CFAP52: variants seen among roughly 807,000 people sequenced by gnomAD.
The protein encoded by CFAP52 is cilia and flagella associated protein 52.
Under a neutral mutation model 70.5 loss-of-function variants are expected in CFAP52, and 57 were observed. The ratio of observed to expected loss-of-function variants is 0.81; its 90% CI spans 0.65 to 1.01. CFAP52 has a LOEUF of 1.01. Among genes scored for constraint, CFAP52 ranks in the 50% least tolerant of loss-of-function variants. CFAP52 has a pLI of 0.00. For missense variants in CFAP52, 785 were observed against 788.5 expected (o/e 1.00, Z 0.05); for synonymous variants, 267 against 292.5 (o/e 0.91, Z 0.89).
intron 4 of CFAP52, among the ~76,000 whole-genome samples, chr17:9,596,053 G>A (rs1162044963): frequency 6.8e-5 from 5 of 73,612 alleles, no homozygotes; most frequent in Admixed American, 1.4e-4. Flanking sequence ...AGATATATAT[G>A]TGTGTGTATA....
In CFAP52 at chr17:9,608,149, G is replaced by A; in HGVS notation, c.784G>A (p.Gly262Arg). Residue 262 changes from glycine to arginine, a missense_variant, in exon 7 of 14, where the codon GGG becomes AGG. Transcript: ENST00000352665. ...GVSAIRCLKM[G>R]GLLVGSGAGL... ...GTCAGCTATCAGGTGCCTGAAGATG[G>A]GGGGTTTGTTGGTGGGCTCTGGAGC... 1 of 1,612,630 alleles carries A rather than the reference G, an allele frequency of 6.2e-7. No homozygotes were observed. Among genetic ancestry groups the A allele is most frequent in the Admixed American group, 1.7e-5 (1 of 59,966 alleles).
intron 5 of CFAP52, chr17:9,598,540 T>C: frequency 2.6e-6 from 1 of 385,032 alleles, no homozygotes; most frequent in Non-Finnish European, 4.7e-6. Context: ...GGTGGGTGAA[T>C]CACTTGAGGT....
At chr17:9,579,653 T>C (rs1235163130) in intron 1 of CFAP52, among the ~76,000 whole-genome samples, 1 of 152,216 alleles carries the variant, frequency 6.6e-6, no homozygotes, top group Non-Finnish European at 1.5e-5. Context: ...CTGCAACCTC[T>C]GCCTCATGGG....
rs1417911991 is a variant in CFAP52, at chr17:9,586,581, AAAAAG to A, written c.271-113_271-109del. 9.1e-4 allele frequency: 1,242 copies of A among 1,358,232 alleles called. 5 individuals are homozygous for A. In the African/African-American group the frequency reaches 0.012, roughly 14 times the overall value. The allele number at this position is 1,358,232 out of a possible 1,614,324, so 84.1% of individuals were successfully genotyped here. ...ACTCCGTCTCAACAAAAAAAAAAAA[AAAAAG>A]AAAGAAAAAAGAAAAGTGACAGTAC... is the stretch of plus-strand genomic sequence containing the variant. On this transcript the variant is annotated intron_variant, in intron 2 of 13. Coordinates refer to ENST00000352665, the MANE Select transcript of CFAP52 (RefSeq NM_145054.5).
At chr17:9,629,419 C>T (rs1910360538) in intron 9 of CFAP52, among the ~76,000 whole-genome samples, 1 of 152,132 alleles carries the variant, frequency 6.6e-6, no homozygotes, top group Non-Finnish European at 1.5e-5. Flanking sequence ...TCTTTAGGGA[C>T]AGCTATTAAA....
intron 1 of CFAP52, among the ~76,000 whole-genome samples, chr17:9,583,504 A>C (rs1908314209): frequency 6.6e-6 from 1 of 152,122 alleles, no homozygotes; most frequent in Admixed American, 6.5e-5. Context: ...AATAAATGTA[A>C]TAAGAAATGA....
chr17:9,577,736 G>C (rs1421634078), intron 1 of CFAP52, among the ~76,000 whole-genome samples: 1 of 152,180 alleles, frequency 6.6e-6, no homozygotes, highest in Non-Finnish European at 1.5e-5. Flanking sequence ...AAACAATTGA[G>C]CAGCCTACAG....
At chr17:9,594,051 CA>C (rs1908884191) in intron 3 of CFAP52, 141 bp from the exon 4 acceptor site, 5 of 1,215,142 alleles carry the variant, frequency 4.1e-6, no homozygotes, top group African/African-American at 1.5e-5. Context: ...GAGGAGATGT[CA>C]GGGGTGGGGT....
chr17:9,630,587 G>A (rs1317418583), intron 9 of CFAP52, among the ~76,000 whole-genome samples: 1 of 148,756 alleles, frequency 6.7e-6, no homozygotes, highest in Non-Finnish European at 1.5e-5. Flanking sequence ...CCGCTACCAC[G>A]CCCGGCTAAT....
chr17:9,597,831 A>AGAGAGAGAGAGAGAGAG (rs57688684), intron 4 of CFAP52, among the ~76,000 whole-genome samples: 11 of 131,778 alleles, frequency 8.3e-5, no homozygotes, highest in African/African-American at 1.5e-4. Flanking sequence ...GAGAGAGAGA[A>AGAGAGAGAGAGAGAGAG]AGAGAGAAAG....
chr17:9,586,713 TG>T lies in CFAP52; in HGVS notation c.289del (p.Asp97IlefsTer33). ...TTGCCCCCAGGCAGACATCATTTTG[TG>T]GGATTATAAGAACAGAGAGCTGCTT... ...FMGFKADIIL[W>X]DYKNRELLAR... On this transcript the variant is annotated frameshift_variant, in exon 3 of 14. Coordinates refer to ENST00000352665, the MANE Select transcript of CFAP52 (RefSeq NM_145054.5). LOFTEE classifies it high-confidence loss of function. 1 of 1,611,634 alleles carries T rather than the reference TG, an allele frequency of 6.2e-7. No individual in the cohort carries two copies. Among genetic ancestry groups the T allele is most frequent in the Admixed American group, 1.7e-5 (1 of 59,372 alleles).
At chr17:9,603,119 G>A (rs1234454507) in intron 6 of CFAP52, among the ~76,000 whole-genome samples, 2 of 148,678 alleles carry the variant, frequency 1.3e-5, no homozygotes, top group Non-Finnish European at 3.0e-5. Flanking sequence ...ACTTGGGAAC[G>A]AAATATCTGT....
chr17:9,627,247 C>T lies in CFAP52; in HGVS notation c.1026-1425C>T, dbSNP rs112604590. Among the ~76,000 whole-genome samples the T allele has an allele frequency of 3.3e-3, 507 of 152,094 alleles. 4 individuals carry two copies. The highest frequency in any genetic ancestry group is 0.012 in the African/African-American group (485 of 41,512). The stretch of plus-strand genomic sequence containing the variant: ...CTGCTTGGCTGGGCACAGTGGCTCA[C>T]ACCTGTAATCCCAGCACTTTGGGAG... On this transcript the variant is annotated intron_variant, in intron 8 of 13. Transcript: ENST00000352665.
At chr17:9,614,187 C>T (rs1188069213) in intron 8 of CFAP52, among the ~76,000 whole-genome samples, 2 of 135,474 alleles carry the variant, frequency 1.5e-5, no homozygotes, top group Non-Finnish European at 3.1e-5. Flanking sequence ...GACTGAGTCT[C>T]GCTCTGTTGC....
intron 8 of CFAP52, among the ~76,000 whole-genome samples, chr17:9,615,910 C>A (rs1385008913): frequency 1.3e-5 from 2 of 149,134 alleles, no homozygotes; most frequent in Non-Finnish European, 1.5e-5. Context: ...AGAGCACAGG[C>A]CTCTCAGATT....
intron 10 of CFAP52, among the ~76,000 whole-genome samples, chr17:9,633,675 C>CT (rs555923244): frequency 1.5e-3 from 209 of 138,500 alleles, no homozygotes; most frequent in Middle Eastern, 3.9e-3. Context: ...GTCATCTTAT[C>CT]TTTTTTTTTT....
chr17:9,598,227 TACATAG>T lies in CFAP52; in HGVS notation c.537-6_537-1del. 1 of 1,589,424 alleles carries T rather than the reference TACATAG, an allele frequency of 6.3e-7. No homozygotes were observed. The highest frequency in any genetic ancestry group is 8.5e-7 in the Non-Finnish European group (1 of 1,172,188). ...ATTGTGGTTTTTTGTTTTTTTTTTT[TACATAG>T]TGGGACAATTCGAGTATGGGAATTG... On this transcript the variant is annotated splice_acceptor_variant and splice_polypyrimidine_tract_variant and intron_variant, in intron 4 of 13. Coordinates refer to ENST00000352665, the MANE Select transcript of CFAP52 (RefSeq NM_145054.5). LOFTEE classifies it high-confidence loss of function.
Position 9,635,494 on chromosome 17 carries a change from G to A in CFAP52, c.1410G>A (p.Lys470=). ...HKSSVSCIRV[K]RNNEECVTAS... ...CATCAGTGTCCTGCATTAGGGTGAA[G>A]AGGAACAACGAGGAGTGTGTCACCG... Residue 470 remains lysine, a synonymous_variant, in exon 11 of 14, where the codon AAG becomes AAA. Transcript: ENST00000352665. 6.2e-7 allele frequency: 1 copy of A among 1,614,206 alleles called. No individual in the cohort carries two copies. Among genetic ancestry groups the A allele is most frequent in the Non-Finnish European group, 8.5e-7 (1 of 1,180,046 alleles).
intron 5 of CFAP52, 42 bp downstream of exon 5, chr17:9,598,375 T>A (rs370342034): frequency 6.5e-7 from 1 of 1,548,888 alleles, no homozygotes; most frequent in African/African-American, 1.4e-5. Flanking sequence ...TAGCACACGT[T>A]CCTGTTAGCA....
Sources: allele counts gnomAD v4.1 joint callset (sites outside exome capture counted in the v4.1 genomes callset), GRCh38; gene constraint gnomAD v4.1.1; transcripts MANE v1.5; gene names NCBI Gene and HGNC (gene_info 2026-07-23, HGNC 2026-07-21).